DERPC: variants seen among roughly 807,000 people sequenced by gnomAD.
DERPC encodes the protein DERPC proline and glycine rich nuclear protein, also known as decreased expression in renal and prostate cancer protein.
In DERPC, 1 loss-of-function variant was observed where a neutral mutation model predicts 7.2. That is an observed-to-expected ratio of 0.14 (90% confidence interval 0.05 to 0.66). The LOEUF (loss-of-function observed/expected upper bound fraction) is 0.66, where lower values mean the gene tolerates loss of function less well. Ranked by LOEUF, DERPC falls within the 30% of genes least tolerant of loss-of-function variation. DERPC has a pLI of 0.84. For missense variants in DERPC, 502 were observed against 299.4 expected (o/e 1.68, Z -4.99); for synonymous variants, 185 against 117.6 (o/e 1.57, Z -3.71).
chr16:69,127,594 C>G (rs1335912214), intron 1 of DERPC, among the ~76,000 whole-genome samples: 1 of 150,474 alleles, frequency 6.6e-6, no homozygotes, highest in Admixed American at 6.6e-5. Context: ...AAGAGCTCTC[C>G]CGGCAACTTT....
intron 1 of DERPC, chr16:69,131,968 A>ACC (rs1442176923): frequency 6.8e-6 from 1 of 147,964 alleles, no homozygotes; most frequent in Non-Finnish European, 1.5e-5. Flanking sequence ...CCTAACCCCC[A>ACC]CCCCGAACTC....
intron 1 of DERPC, among the ~76,000 whole-genome samples, chr16:69,131,847 C>T (rs1212045794): frequency 1.3e-5 from 2 of 152,024 alleles, no homozygotes; most frequent in Admixed American, 1.3e-4. Context: ...CTCTCGGCTT[C>T]CCTCCCACAA....
At chr16:69,131,100 G>A (rs538114914) in intron 1 of DERPC, among the ~76,000 whole-genome samples, 1 of 152,282 alleles carries the variant, frequency 6.6e-6, no homozygotes, top group East Asian at 1.9e-4. Context: ...AAAGGCTTAT[G>A]TTACTAAGTC....
In DERPC at chr16:69,122,539, A is replaced by AT. The variant is rs764144816; in HGVS notation, c.-279-1047dup. ...AGGTGCATGTCACCATACCCAGCTA[A>AT]TTTTTTTTTTTTTTTTTTTGGGAGG... On this transcript the variant is annotated intron_variant, in intron 1 of 2. Transcript: ENST00000519520. 7.1e-3 allele frequency among the ~76,000 whole-genome samples: 927 copies of AT among 130,722 alleles called. 14 individuals are homozygous for AT. The highest frequency in any genetic ancestry group is 0.013 in the Middle Eastern group (3 of 236). 85.8% of individuals were successfully genotyped at this position (130,722 alleles called of 152,430 possible).
chr16:69,130,937 T>C (rs1962456180), intron 1 of DERPC, among the ~76,000 whole-genome samples: 1 of 152,360 alleles, frequency 6.6e-6, no homozygotes, highest in South Asian at 2.1e-4. Flanking sequence ...TCTCTAAATA[T>C]GATGACTATG....
In DERPC at chr16:69,118,267, G is replaced by A. The variant is rs1961313712; in HGVS notation, c.*587C>T. 1 of 825,222 alleles carries A rather than the reference G, an allele frequency of 1.2e-6. No homozygotes were observed. Among genetic ancestry groups the A allele is most frequent in the South Asian group, 1.4e-5 (1 of 71,828 alleles). 51.1% of individuals were successfully genotyped at this position (825,222 alleles called of 1,614,324 possible). ...GCCACCTCTAAGTCCCAGGAGAAGG[G>A]AGCTGCAGGCCCAGTCAGTCAAGCA... On this transcript the variant is annotated 3_prime_UTR_variant, in exon 3 of 3. Coordinates refer to ENST00000519520, the MANE Select transcript of DERPC (RefSeq NM_001002847.4).
rs749496352 is a variant in DERPC, at chr16:69,121,387, T to C, written c.-222+49A>G. The stretch of plus-strand genomic sequence containing the variant: ...CTTCCAGACACATGGCACACCTCTA[T>C]AGCCCTCATCATTTCAAGCCAAATT... On this transcript the variant is annotated intron_variant, in intron 2 of 2. Transcript: ENST00000519520. 2.4e-5 allele frequency: 37 copies of C among 1,524,378 alleles called. 1 individual carries two copies. In the South Asian group the frequency reaches 4.1e-4, roughly 17 times the overall value. The allele number at this position is 1,524,378 out of a possible 1,614,324, so 94.4% of individuals were successfully genotyped here.
At chr16:69,127,534 T>G (rs1403702343) in intron 1 of DERPC, among the ~76,000 whole-genome samples, 1 of 152,104 alleles carries the variant, frequency 6.6e-6, no homozygotes, top group Non-Finnish European at 1.5e-5. Context: ...AAGGCACGAT[T>G]TGATGAATAC....
Position 69,120,832 on chromosome 16 carries a change from TAGG to T in DERPC, c.-221-186_-221-184del. ...GCCCTTTTTACTTTCTAGCCCCACA[TAGG>T]AGAATTTCCACTTTCAGAAATGTGA... On this transcript the variant is annotated intron_variant, in intron 2 of 2. Coordinates refer to ENST00000519520, the MANE Select transcript of DERPC (RefSeq NM_001002847.4). The surrounding 1 kb of genome is among the most constrained non-coding windows in gnomAD (Gnocchi z 4.0). 2.7e-6 allele frequency: 2 copies of T among 735,758 alleles called. No homozygotes were observed. The highest frequency in any genetic ancestry group is 4.8e-6 in the Non-Finnish European group (2 of 416,040). The allele number at this position is 735,758 out of a possible 1,614,324, so 45.6% of individuals were successfully genotyped here. A position where few individuals can be genotyped will look rare whatever the true frequency, so the allele number is the denominator to read the frequency against.
intron 1 of DERPC, among the ~76,000 whole-genome samples, chr16:69,129,228 A>C (rs1387168987): frequency 6.6e-6 from 1 of 152,012 alleles, no homozygotes; most frequent in Non-Finnish European, 1.5e-5. Context: ...CAGGAGATCG[A>C]GATCATCCTG....
rs1444892750 is a variant in DERPC at position 69,119,513 on chromosome 16, T to C, written c.916A>G (p.Met306Val). 2.8e-6 allele frequency: 2 copies of C among 702,806 alleles called. No individual in the cohort carries two copies. Among genetic ancestry groups the C allele is most frequent in the Non-Finnish European group, 2.6e-6 (1 of 384,962 alleles). 43.5% of individuals were successfully genotyped at this position (702,806 alleles called of 1,614,324 possible). A position where few individuals can be genotyped will look rare whatever the true frequency, so the allele number is the denominator to read the frequency against. Reference protein sequence around the residue: ...SGNMGTSPSSMARVPGPMGPN... With the variant: ...SGNMGTSPSSVARVPGPMGPN... ...CCCATGGGGCCAGGTACTCTTGCCA[T>C]GGAGGATGGGCTTGTGCCCATGTTT... Residue 306 changes from methionine (M) to valine (V), a missense_variant, in exon 3 of 3, where the codon ATG becomes GTG. By Grantham distance (21) the Met-to-Val change is conservative. Transcript: ENST00000519520.
rs749585444 is a variant in DERPC at position 69,119,510 on chromosome 16, C to A, written c.919G>T (p.Ala307Ser). The A allele has an allele frequency of 6.4e-5, 45 of 702,726 alleles. No individual in the cohort carries two copies. In the South Asian group the frequency reaches 6.5e-4, roughly 10 times the overall value. 43.5% of individuals were successfully genotyped at this position (702,726 alleles called of 1,614,324 possible). The stretch of plus-strand genomic sequence containing the variant: ...GGGCCCATGGGGCCAGGTACTCTTG[C>A]CATGGAGGATGGGCTTGTGCCCATG... ...GNMGTSPSSM[A>S]RVPGPMGPNS... The change falls in exon 3 of 3, where the codon GCA becomes TCA. Residue 307 changes from alanine to serine, a missense_variant. Physicochemically the swap from Ala to Ser is moderately conservative, Grantham distance 99. Coordinates refer to ENST00000519520, the MANE Select transcript of DERPC (RefSeq NM_001002847.4).
intron 1 of DERPC, among the ~76,000 whole-genome samples, chr16:69,129,015 G>C (rs1962293172): frequency 6.6e-6 from 1 of 151,840 alleles, no homozygotes; most frequent in Non-Finnish European, 1.5e-5. Flanking sequence ...AGTGAGCCGA[G>C]ACTGTGCCAC....
intron 1 of DERPC, among the ~76,000 whole-genome samples, chr16:69,127,687 G>A (rs1962173352): frequency 7.3e-6 from 1 of 136,382 alleles, no homozygotes; most frequent in Non-Finnish European, 1.5e-5. Context: ...TCAGCTCATT[G>A]CAACCTCTGT....
chr16:69,122,291 A>G (rs1379219907), intron 1 of DERPC, among the ~76,000 whole-genome samples: 5 of 152,156 alleles, frequency 3.3e-5, no homozygotes, highest in Admixed American at 6.5e-5. Context: ...GGAAAAGATG[A>G]TATGAACCGA....
chr16:69,131,779 C>T (rs527468470), intron 1 of DERPC, among the ~76,000 whole-genome samples: 124 of 151,914 alleles, frequency 8.2e-4, no homozygotes, highest in Admixed American at 1.6e-3. Context: ...CACCCTCGTT[C>T]TCCAAATTGT....
chr16:69,120,414 C>A lies in DERPC; in HGVS notation c.15G>T (p.Arg5=), dbSNP rs1329737324. 8 of 1,613,870 alleles carry A rather than the reference C, an allele frequency of 5.0e-6. No homozygotes were observed. Among genetic ancestry groups the A allele is most frequent in the Non-Finnish European group, 6.8e-6 (8 of 1,179,798 alleles). MKEP[R]IFPRERPTPW... is the part of the protein sequence containing the mutation. Reference sequence around the variant, plus strand: ...GAGTTGGCCGCTCTCTAGGGAAAATCCGAGGTTCTTTCATACTTTCTTGGG... The same window carrying A: ...GAGTTGGCCGCTCTCTAGGGAAAATACGAGGTTCTTTCATACTTTCTTGGG... The change falls in exon 3 of 3, where the codon CGG becomes CGT. Residue 5 remains arginine, a synonymous_variant. Coordinates refer to ENST00000519520, the MANE Select transcript of DERPC (RefSeq NM_001002847.4). The surrounding 1 kb of genome is among the most constrained non-coding windows in gnomAD (Gnocchi z 4.0).
chr16:69,120,448 T>C lies in DERPC; in HGVS notation c.-20A>G, dbSNP rs777550145. 1.2e-6 allele frequency: 2 copies of C among 1,614,078 alleles called. No homozygotes were observed. Among genetic ancestry groups the C allele is most frequent in the Non-Finnish European group, 1.7e-6 (2 of 1,179,994 alleles). On this transcript the variant is annotated 5_prime_UTR_variant, in exon 3 of 3. Coordinates refer to ENST00000519520, the MANE Select transcript of DERPC (RefSeq NM_001002847.4). The surrounding 1 kb of genome is among the most constrained non-coding windows in gnomAD (Gnocchi z 4.0). Reference sequence around the variant, plus strand: ...TTTCATACTTTCTTGGGGACGCTGGTGATAATGGGCTTGGGGCGGGTTTTG... The same window carrying C: ...TTTCATACTTTCTTGGGGACGCTGGCGATAATGGGCTTGGGGCGGGTTTTG...
intron 1 of DERPC, among the ~76,000 whole-genome samples, chr16:69,122,701 C>A (rs1961769209): frequency 6.6e-6 from 1 of 152,108 alleles, no homozygotes; most frequent in African/African-American, 2.4e-5. Context: ...ACCACCATGC[C>A]TGGCTAATTT....
Sources: allele counts gnomAD v4.1 joint callset (sites outside exome capture counted in the v4.1 genomes callset), GRCh38; gene constraint gnomAD v4.1.1; non-coding constraint Gnocchi (gnomAD v3.1); transcripts MANE v1.5; gene names NCBI Gene and HGNC (gene_info 2026-07-23, HGNC 2026-07-21).